The following PDE8A variants were observed in gnomAD, a reference collection of about 807,000 sequenced individuals.
PDE8A encodes the protein phosphodiesterase 8A, also known as high affinity cAMP-specific and IBMX-insensitive 3',5'-cyclic phosphodiesterase 8A.
In PDE8A, 59 loss-of-function variants were observed where a neutral mutation model predicts 105.0. The ratio of observed to expected loss-of-function variants is 0.56; its 90% CI spans 0.46 to 0.70. PDE8A has a LOEUF of 0.70. Among genes scored for constraint, PDE8A ranks in the 30% least tolerant of loss-of-function variants. The pLI, the probability that PDE8A is intolerant of heterozygous loss-of-function variation, is 0.00. For missense variants in PDE8A, 1,014 were observed against 1,045.9 expected (o/e 0.97, Z 0.42); for synonymous variants, 355 against 371.9 (o/e 0.95, Z 0.52).
chr15:85,022,545 T>C (rs2080445698), intron 1 of PDE8A, among the ~76,000 whole-genome samples: 1 of 148,836 alleles, frequency 6.7e-6, no homozygotes, highest in African/African-American at 2.5e-5. Context: ...GCAAAATTTT[T>C]TTTTTTTTTT....
chr15:85,121,012 G>C lies in PDE8A; in HGVS notation c.1950G>C (p.Glu650Asp). The C allele has an allele frequency of 6.3e-7, 1 of 1,594,698 alleles. No homozygotes were observed. The highest frequency in any genetic ancestry group is 8.6e-7 in the Non-Finnish European group (1 of 1,164,666). The change falls in exon 18 of 22, where the codon GAG becomes GAC. Residue 650 changes from glutamate to aspartate, a missense_variant and splice_region_variant. Physicochemically the swap from Glu to Asp is conservative, Grantham distance 45. Coordinates refer to ENST00000394553, the MANE Select transcript of PDE8A (RefSeq NM_002605.3). ...DDKCNIFKNM[E>D]RNDYRTLRQG... ...AATGCAATATATTTAAAAACATGGA[G>C]AGGTAAGAACAATGATTGGGAAGTG...
intron 1 of PDE8A, among the ~76,000 whole-genome samples, chr15:85,017,047 G>T (rs1052806932): frequency 2.7e-5 from 4 of 150,550 alleles, no homozygotes; most frequent in African/African-American, 9.8e-5. Flanking sequence ...GGATCATGAG[G>T]TCAGGAGATC....
At chr15:85,110,378 C>G (rs2082003866) in intron 12 of PDE8A, among the ~76,000 whole-genome samples, 1 of 152,108 alleles carries the variant, frequency 6.6e-6, no homozygotes, top group South Asian at 2.1e-4. Flanking sequence ...ACTTAAGTTT[C>G]ATTTCAGTGA....
At position 85,138,064 on chromosome 15, in the gene PDE8A, C is replaced by G. The variant is rs1391014352; in HGVS notation, c.*161C>G. The G allele has an allele frequency of 5.4e-6, 3 of 556,354 alleles. No individual in the cohort carries two copies. Among genetic ancestry groups the G allele is most frequent in the Non-Finnish European group, 9.6e-6 (3 of 310,930 alleles). The allele number at this position is 556,354 out of a possible 1,614,324, so 34.5% of individuals were successfully genotyped here. ...GGACATCAGTAACCTTCTGCAGCCA[C>G]CATCCAATGCCATTACTGTCAAGTG... On this transcript the variant is annotated 3_prime_UTR_variant, in exon 22 of 22. Transcript: ENST00000394553.
intron 1 of PDE8A, among the ~76,000 whole-genome samples, chr15:84,983,664 G>A (rs961321115): frequency 2.6e-4 from 40 of 152,226 alleles, no homozygotes; most frequent in African/African-American, 9.6e-4. Context: ...GTTAAGCTGT[G>A]TGTTAAGCCT....
At chr15:85,099,051 A>G (rs2081810969) in intron 9 of PDE8A, among the ~76,000 whole-genome samples, 2 of 152,262 alleles carry the variant, frequency 1.3e-5, no homozygotes, top group African/African-American at 2.4e-5. Flanking sequence ...TTTAATCTCA[A>G]TCATGTAAAG....
At chr15:85,078,456 G>A (rs968875725) in intron 5 of PDE8A, among the ~76,000 whole-genome samples, 7 of 141,898 alleles carry the variant, frequency 4.9e-5, no homozygotes, top group Non-Finnish European at 9.1e-5. Context: ...TGAGGCAGGA[G>A]AATCGCCTGA....
At chr15:85,002,888 G>A (rs1226169877) in intron 1 of PDE8A, among the ~76,000 whole-genome samples, 1 of 152,204 alleles carries the variant, frequency 6.6e-6, no homozygotes, top group Non-Finnish European at 1.5e-5. Context: ...CAGGACAAAA[G>A]ACCAAATATT....
At chr15:85,047,919 A>G (rs115401432) in intron 1 of PDE8A, among the ~76,000 whole-genome samples, 40 of 152,184 alleles carry the variant, frequency 2.6e-4, no homozygotes, top group African/African-American at 9.6e-4. Context: ...TTGTCTTTAT[A>G]TTTATTTTCC....
rs969364046 is a variant in PDE8A, at chr15:85,138,080, C to T, written c.*177C>T. 7 of 541,460 alleles carry T rather than the reference C, an allele frequency of 1.3e-5. No homozygotes were observed. The Admixed American group carries it at 1.6e-4, about 12-fold the overall frequency. 33.5% of individuals were successfully genotyped at this position (541,460 alleles called of 1,614,324 possible). Reference sequence around the variant, plus strand: ...CTGCAGCCACCATCCAATGCCATTACTGTCAAGTGAGACTTGGCCACTGTA... The same window carrying T: ...CTGCAGCCACCATCCAATGCCATTATTGTCAAGTGAGACTTGGCCACTGTA... On this transcript the variant is annotated 3_prime_UTR_variant, in exon 22 of 22. Transcript: ENST00000394553.
intron 8 of PDE8A, among the ~76,000 whole-genome samples, chr15:85,097,120 G>T (rs138792867): frequency 2.0e-5 from 3 of 148,974 alleles, no homozygotes; most frequent in Admixed American, 2.0e-4. Flanking sequence ...TACCCTAGGG[G>T]TTCAGTGTCC....
Position 85,048,794 on chromosome 15 carries a change from T to C in PDE8A, c.187-15576T>C, listed in dbSNP as rs116710302. On this transcript the variant is annotated intron_variant, in intron 1 of 21. Coordinates refer to ENST00000394553, the MANE Select transcript of PDE8A (RefSeq NM_002605.3). ...ACAGACCATTTCAAGCACTTGAAAG[T>C]TGATTTTAAAAAATAACAAAACAAA... Among the ~76,000 whole-genome samples the C allele has an allele frequency of 6.0e-3, 909 of 152,328 alleles. 7 individuals are homozygous for C. The highest frequency in any genetic ancestry group is 0.021 in the African/African-American group (869 of 41,572).
chr15:85,020,117 T>A (rs1027306538), intron 1 of PDE8A, among the ~76,000 whole-genome samples: 2 of 152,072 alleles, frequency 1.3e-5, no homozygotes, highest in African/African-American at 4.8e-5. Flanking sequence ...TTTATTTAAA[T>A]GATCATGGTC....
Position 85,030,588 on chromosome 15 carries a change from C to T in PDE8A, c.187-33782C>T, listed in dbSNP as rs138448637. Among the ~76,000 whole-genome samples the T allele has an allele frequency of 2.2e-4, 34 of 152,328 alleles. No individual in the cohort carries two copies. In the East Asian group the frequency reaches 6.4e-3, roughly 29 times the overall value. ...TTAATTGATGAGACCCAACTAGGCCCTCTGTCATCTGACCCTGACCCCTCT... is the reference window on the plus strand; with the variant it reads ...TTAATTGATGAGACCCAACTAGGCCTTCTGTCATCTGACCCTGACCCCTCT... On this transcript the variant is annotated intron_variant, in intron 1 of 21. Transcript: ENST00000394553.
intron 1 of PDE8A, among the ~76,000 whole-genome samples, chr15:84,999,791 G>T (rs977528026): frequency 1.3e-5 from 2 of 151,602 alleles, no homozygotes; most frequent in Non-Finnish European, 2.9e-5. Context: ...AGCCAGGATG[G>T]TCTCCATCTC....
intron 1 of PDE8A, among the ~76,000 whole-genome samples, chr15:85,058,790 A>AT (rs994297184): frequency 2.0e-5 from 3 of 151,546 alleles, no homozygotes; most frequent in African/African-American, 7.3e-5. Context: ...AGTCATTTTT[A>AT]TTTTTTTCTC....
At chr15:84,981,246 C>T (rs2079702461), upstream of PDE8A, among the ~76,000 whole-genome samples, 1 of 152,194 alleles carries the variant, frequency 6.6e-6, no homozygotes, top group Non-Finnish European at 1.5e-5. Flanking sequence ...CCTGTCGTCG[C>T]CGCGCATGCT....
intron 6 of PDE8A, 57 bp downstream of exon 6, chr15:85,083,701 A>T: frequency 9.1e-7 from 1 of 1,099,234 alleles, no homozygotes; most frequent in Non-Finnish European, 1.4e-6. Flanking sequence ...ATGGCAAGTG[A>T]GAACTTTGGT....
intron 20 of PDE8A, among the ~76,000 whole-genome samples, chr15:85,131,427 G>C (rs1047937324): frequency 1.3e-5 from 2 of 152,010 alleles, no homozygotes; most frequent in African/African-American, 4.8e-5. Context: ...TTTTTCTATA[G>C]ATAGTTGCAT....
Sources: allele counts gnomAD v4.1 joint callset (sites outside exome capture counted in the v4.1 genomes callset), GRCh38; gene constraint gnomAD v4.1.1; transcripts MANE v1.5; gene names NCBI Gene and HGNC (gene_info 2026-07-23, HGNC 2026-07-21).